Variants in NR6A1 observed in about 807,000 individuals in gnomAD.
The protein encoded by NR6A1 is nuclear receptor subfamily 6 group A member 1.
A neutral mutation model predicts 59.1 loss-of-function variants in NR6A1; 7 were observed. That is an observed-to-expected ratio of 0.12 (90% confidence interval 0.07 to 0.22). The LOEUF is 0.22. Among genes scored for constraint, NR6A1 ranks in the 10% least tolerant of loss-of-function variants. The pLI, the probability that NR6A1 is intolerant of heterozygous loss-of-function variation, is 1.00. For missense variants in NR6A1, 468 were observed against 611.6 expected, an observed-to-expected ratio of 0.77 and a Z score of 2.48; for synonymous variants, 243 against 236.1, an observed-to-expected ratio of 1.03 and a Z score of -0.27.
chr9:124,667,143 C>A (rs1289823840), intron 2 of NR6A1, among the ~76,000 whole-genome samples: 1 of 151,218 alleles, frequency 6.6e-6, no homozygotes, highest in African/African-American at 2.4e-5. Flanking sequence ...TCAAGCAATT[C>A]TTTGCCTCAG....
chr9:124,747,661 T>G (rs180886959), intron 1 of NR6A1, among the ~76,000 whole-genome samples: 56 of 152,266 alleles, frequency 3.7e-4, no homozygotes, highest in African/African-American at 1.3e-3. Flanking sequence ...TTCTCCTGTG[T>G]TCTTCACTCA....
intron 2 of NR6A1, among the ~76,000 whole-genome samples, chr9:124,678,491 A>G (rs1233987049): frequency 6.6e-6 from 1 of 152,226 alleles, no homozygotes; most frequent in Non-Finnish European, 1.5e-5. Context: ...GGAGTGAGAC[A>G]GAAGATGTAA....
intron 2 of NR6A1, among the ~76,000 whole-genome samples, chr9:124,660,134 T>C (rs866348350): frequency 6.6e-6 from 1 of 152,228 alleles, no homozygotes. Flanking sequence ...CTATAATAAA[T>C]GTAAGGTAGA....
intron 8 of NR6A1, among the ~76,000 whole-genome samples, chr9:124,525,375 A>AT (rs925905704): frequency 5.4e-5 from 8 of 147,102 alleles, no homozygotes; most frequent in African/African-American, 1.8e-4. Context: ...CTGTCCCTCC[A>AT]TTTTTTTTAG....
chr9:124,637,892 CAAAAAAAAA>C (rs796714741), intron 2 of NR6A1, among the ~76,000 whole-genome samples: 3,252 of 79,008 alleles, frequency 0.041, 133 homozygotes, highest in East Asian at 0.15. Flanking sequence ...ACTCCCTCTC[CAAAAAAAAA>C]AAAAAAAAAA....
At chr9:124,644,603 T>G (rs1226398601) in intron 2 of NR6A1, among the ~76,000 whole-genome samples, 2 of 152,094 alleles carry the variant, frequency 1.3e-5, no homozygotes, top group Non-Finnish European at 2.9e-5. Flanking sequence ...TTAGAGACAT[T>G]GGTAAAAGGG....
intron 2 of NR6A1, among the ~76,000 whole-genome samples, chr9:124,586,586 C>T (rs187089338): frequency 3.3e-5 from 5 of 152,238 alleles, no homozygotes; most frequent in African/African-American, 4.8e-5. Flanking sequence ...GCTGGGACTA[C>T]AGGCATGCGC....
chr9:124,690,183 G>A (rs764382739), intron 2 of NR6A1, among the ~76,000 whole-genome samples: 16 of 152,160 alleles, frequency 1.1e-4, no homozygotes, highest in Admixed American at 6.5e-4. Context: ...CACCTGAGAC[G>A]ATGACTCCTC....
chr9:124,694,686 T>C (rs1178823522), intron 2 of NR6A1, among the ~76,000 whole-genome samples: 2 of 152,194 alleles, frequency 1.3e-5, no homozygotes, highest in African/African-American at 4.8e-5. Flanking sequence ...TCATGAATAA[T>C]TTATCATACA....
chr9:124,641,708 C>T (rs530793683), intron 2 of NR6A1, among the ~76,000 whole-genome samples: 109 of 152,308 alleles, frequency 7.2e-4, no homozygotes, highest in African/African-American at 2.3e-3. Flanking sequence ...GAGGGGAGAG[C>T]TGTGGGAAAT....
intron 1 of NR6A1, among the ~76,000 whole-genome samples, chr9:124,752,328 G>A (rs2131175954): frequency 6.6e-6 from 1 of 151,952 alleles, no homozygotes; most frequent in African/African-American, 2.4e-5. Flanking sequence ...TATTCAAAAA[G>A]TTTTAAAGAT....
rs900693599 is a variant in NR6A1 at position 124,522,264 on chromosome 9, G to A, written c.*441C>T. ...TGACAGACAAATGTATGAGTCTGCT[G>A]AGAAAATGTGGAAAAAGTAGGGATG... is the stretch of plus-strand genomic sequence containing the variant. On this transcript the variant is annotated 3_prime_UTR_variant, in exon 10 of 10. Transcript: ENST00000487099. 1.9e-5 allele frequency: 3 copies of A among 156,638 alleles called. No individual in the cohort carries two copies. Among genetic ancestry groups the A allele is most frequent in the African/African-American group, 4.8e-5 (2 of 41,500 alleles). 9.7% of individuals were successfully genotyped at this position (156,638 alleles called of 1,614,324 possible).
At chr9:124,582,334 A>G (rs1308203596) in intron 2 of NR6A1, among the ~76,000 whole-genome samples, 1 of 152,218 alleles carries the variant, frequency 6.6e-6, no homozygotes, top group Non-Finnish European at 1.5e-5. Context: ...CAAATACCGC[A>G]TGTTCCCACT....
chr9:124,636,087 G>A (rs1836602612), intron 2 of NR6A1, among the ~76,000 whole-genome samples: 1 of 152,144 alleles, frequency 6.6e-6, no homozygotes, highest in Admixed American at 6.5e-5. Flanking sequence ...GTTTTAATTT[G>A]CACTTCCCTG....
At chr9:124,573,668 C>T (rs1834510992) in intron 2 of NR6A1, among the ~76,000 whole-genome samples, 1 of 152,180 alleles carries the variant, frequency 6.6e-6, no homozygotes, top group African/African-American at 2.4e-5. Flanking sequence ...AATACAGCCG[C>T]TACATTGTAA....
chr9:124,758,664 G>A (rs1032233512), intron 1 of NR6A1, among the ~76,000 whole-genome samples: 15 of 151,972 alleles, frequency 9.9e-5, no homozygotes, highest in African/African-American at 3.6e-4. Context: ...TTTCTATAAG[G>A]CAGACTCAAA....
At chr9:124,710,537 C>T (rs983085762) in intron 2 of NR6A1, among the ~76,000 whole-genome samples, 5 of 152,198 alleles carry the variant, frequency 3.3e-5, no homozygotes, top group African/African-American at 1.2e-4. Context: ...TTATCCTCCT[C>T]CTTCCCAACC....
chr9:124,722,039 T>C (rs1486623487), intron 2 of NR6A1, among the ~76,000 whole-genome samples: 1 of 152,218 alleles, frequency 6.6e-6, no homozygotes, highest in African/African-American at 2.4e-5. Context: ...ATAGTAAATA[T>C]TAGCTATCCT....
chr9:124,629,449 T>C (rs1836357628), intron 2 of NR6A1, among the ~76,000 whole-genome samples: 1 of 152,250 alleles, frequency 6.6e-6, no homozygotes, highest in South Asian at 2.1e-4. Flanking sequence ...AATCCACTTA[T>C]AATCATGACT....
Sources: gnomAD v4.1 joint callset for allele counts (sites outside exome capture counted in the v4.1 genomes callset) on GRCh38, gnomAD v4.1.1 for gene constraint, MANE v1.5 for transcripts, NCBI Gene and HGNC (gene_info 2026-07-23, HGNC 2026-07-21) for gene names.